The following FBXO28 variants were observed in gnomAD, a reference collection of about 807,000 sequenced individuals.
FBXO28 encodes the protein F-box only protein 28.
In FBXO28, 8 loss-of-function variants were observed where a neutral mutation model predicts 38.1. That is an observed-to-expected ratio of 0.21 (90% CI 0.12 to 0.38). The LOEUF is 0.38. FBXO28 is among the 10% of genes least tolerant of loss of function. FBXO28 has a pLI of 1.00. For missense variants in FBXO28, 345 were observed against 460.6 expected (o/e 0.75, Z 2.30); for synonymous variants, 168 against 173.8 (o/e 0.97, Z 0.26).
intron 3 of FBXO28, among the ~76,000 whole-genome samples, chr1:224,141,528 G>C (rs182523233): frequency 6.6e-6 from 1 of 151,172 alleles, no homozygotes; most frequent in East Asian, 1.9e-4. Flanking sequence ...TCCATCCCAA[G>C]AGATGCATTG....
chr1:224,157,935 T>G lies in FBXO28; in HGVS notation c.*189T>G. 7.1e-7 allele frequency: 1 copy of G among 1,402,256 alleles called. No individual in the cohort carries two copies. Among genetic ancestry groups the G allele is most frequent in the Non-Finnish European group, 9.2e-7 (1 of 1,084,958 alleles). 86.9% of individuals were successfully genotyped at this position (1,402,256 alleles called of 1,614,324 possible). On this transcript the variant is annotated 3_prime_UTR_variant, in exon 5 of 5. Coordinates refer to ENST00000366862, the MANE Select transcript of FBXO28 (RefSeq NM_015176.4). ...CCTGATTGAACTGATGCACAGAATC[T>G]TTTTACTTTGCAATAGATTTGTACT...
At chr1:224,115,439 T>G (rs760319216) in intron 1 of FBXO28, among the ~76,000 whole-genome samples, 2 of 152,232 alleles carry the variant, frequency 1.3e-5, no homozygotes, top group Admixed American at 1.3e-4. Flanking sequence ...TTCTTATTAC[T>G]CAATATGCTA....
intron 1 of FBXO28, among the ~76,000 whole-genome samples, chr1:224,119,195 G>A (rs1240836620): frequency 3.5e-5 from 5 of 143,510 alleles, no homozygotes; most frequent in African/African-American, 5.2e-5. Context: ...GTGCAGTGGC[G>A]CGATCTCGGC....
At chr1:224,139,950 G>T (rs1657305646) in intron 3 of FBXO28, among the ~76,000 whole-genome samples, 2 of 152,092 alleles carry the variant, frequency 1.3e-5, no homozygotes, top group Admixed American at 6.6e-5. Flanking sequence ...AATTAGCTGG[G>T]TGTGGTGGCA....
At position 224,158,703 on chromosome 1, in the gene FBXO28, C is replaced by A. The variant is rs1398485207; in HGVS notation, c.*957C>A. The A allele has an allele frequency of 2.0e-5, 3 of 152,150 alleles. No homozygotes were observed. The highest frequency in any genetic ancestry group is 4.4e-5 in the Non-Finnish European group (3 of 68,028). The allele number at this position is 152,150 out of a possible 1,614,324, so 9.4% of individuals were successfully genotyped here. A position where few individuals can be genotyped will look rare whatever the true frequency, so the allele number is the denominator to read the frequency against. On this transcript the variant is annotated 3_prime_UTR_variant, in exon 5 of 5. Transcript: ENST00000366862. ...AAGGCTCTTTCTATCAATATTGGAC[C>A]TCTGGGAGCTAATACTCCTCTTTGC...
intron 3 of FBXO28, among the ~76,000 whole-genome samples, chr1:224,149,385 C>T (rs1035443102): frequency 6.6e-6 from 1 of 151,460 alleles, no homozygotes; most frequent in Non-Finnish European, 1.5e-5. Flanking sequence ...AGAGACAGAG[C>T]TCACAGTGTT....
At chr1:224,124,466 G>T (rs1656860009) in intron 1 of FBXO28, among the ~76,000 whole-genome samples, 1 of 151,996 alleles carries the variant, frequency 6.6e-6, no homozygotes, top group South Asian at 2.1e-4. Flanking sequence ...TACTGTCTTG[G>T]GTAAATTGCC....
At chr1:224,147,225 C>T (rs1465369699) in intron 3 of FBXO28, among the ~76,000 whole-genome samples, 5 of 151,526 alleles carry the variant, frequency 3.3e-5, no homozygotes, top group Non-Finnish European at 5.9e-5. Context: ...GAGTTCAAGA[C>T]CAGCCTGACC....
intron 3 of FBXO28, among the ~76,000 whole-genome samples, chr1:224,140,381 A>G (rs564135712): frequency 6.6e-6 from 1 of 152,332 alleles, no homozygotes; most frequent in African/African-American, 2.4e-5. Flanking sequence ...GTAATCTTAT[A>G]TCTGGAACAG....
intron 3 of FBXO28, among the ~76,000 whole-genome samples, chr1:224,137,845 G>A (rs1657232617): frequency 6.6e-6 from 1 of 151,846 alleles, no homozygotes; most frequent in Admixed American, 6.6e-5. Context: ...AGGCAAGCTA[G>A]ATCATTGCCC....
At chr1:224,149,443 G>A (rs916872342) in intron 3 of FBXO28, among the ~76,000 whole-genome samples, 2 of 151,862 alleles carry the variant, frequency 1.3e-5, no homozygotes, top group African/African-American at 4.8e-5. Context: ...TTCCCACCTC[G>A]GCCTCCCAAA....
chr1:224,152,994 A>C, intron 3 of FBXO28, 148 bp from the exon 4 acceptor site: 1 of 533,878 alleles, frequency 1.9e-6, no homozygotes, highest in Non-Finnish European at 3.2e-6. Flanking sequence ...GTAAATAGCA[A>C]TATTCATCAG....
chr1:224,119,197 G>A (rs1296966990), intron 1 of FBXO28, among the ~76,000 whole-genome samples: 3 of 142,650 alleles, frequency 2.1e-5, no homozygotes, highest in East Asian at 2.1e-4. Flanking sequence ...GCAGTGGCGC[G>A]ATCTCGGCTC....
At chr1:224,127,417 C>G (rs931522565) in intron 1 of FBXO28, among the ~76,000 whole-genome samples, 1 of 151,946 alleles carries the variant, frequency 6.6e-6, no homozygotes, top group African/African-American at 2.4e-5. Flanking sequence ...TTCTGTTAAA[C>G]CACATATCAA....
chr1:224,131,776 A>G (rs921903429), intron 2 of FBXO28, among the ~76,000 whole-genome samples: 1 of 152,204 alleles, frequency 6.6e-6, no homozygotes, highest in African/African-American at 2.4e-5. Context: ...AGTGACACCA[A>G]AAGCACAAGT....
Position 224,150,733 on chromosome 1 carries a change from C to T in FBXO28, c.517-2409C>T, listed in dbSNP as rs535593241. ...AATTGATCAGTTCTTCCTCATCCTT[C>T]AGTCTTACCTTACAAATGGCAAAGA... On this transcript the variant is annotated intron_variant, in intron 3 of 4. Coordinates refer to ENST00000366862, the MANE Select transcript of FBXO28 (RefSeq NM_015176.4). Among the ~76,000 whole-genome samples, 3 of 152,268 alleles carry T rather than the reference C, an allele frequency of 2.0e-5. No individual in the cohort carries two copies. The South Asian group carries it at 6.2e-4, about 32-fold the overall frequency.
At position 224,114,261 on chromosome 1, in the gene FBXO28, G is replaced by A. The variant is rs369712209; in HGVS notation, c.132G>A (p.Gly44=). Residue 44 remains glycine, a synonymous_variant, in exon 1 of 5, where the codon GGG becomes GGA. Coordinates refer to ENST00000366862, the MANE Select transcript of FBXO28 (RefSeq NM_015176.4). ...PPPAPQHPQP[G]SQALPAPALA... is the part of the protein sequence containing the mutation. ...CCGCGCCACAGCACCCGCAGCCGGG[G>A]TCCCAGGCGCTCCCAGCCCCCGCGC... 1.2e-5 allele frequency: 18 copies of A among 1,555,418 alleles called. No homozygotes were observed. The South Asian group carries it at 1.4e-4, about 12-fold the overall frequency.
intron 2 of FBXO28, chr1:224,130,820 A>C: frequency 2.5e-6 from 1 of 395,128 alleles, no homozygotes; most frequent in East Asian, 4.6e-5. Context: ...TCCAAATGGG[A>C]AAAGAAGAAA....
chr1:224,148,919 GT>G (rs1408605252), intron 3 of FBXO28, among the ~76,000 whole-genome samples: 1 of 151,896 alleles, frequency 6.6e-6, no homozygotes, highest in Non-Finnish European at 1.5e-5. Context: ...TCTCTACTCT[GT>G]TTTCACACAG....
Sources: gnomAD v4.1 joint callset for allele counts (sites outside exome capture counted in the v4.1 genomes callset) on GRCh38, gnomAD v4.1.1 for gene constraint, MANE v1.5 for transcripts, NCBI Gene and HGNC (gene_info 2026-07-23, HGNC 2026-07-21) for gene names.